MAPKAP1: variants seen among roughly 807,000 people sequenced by gnomAD.
The protein encoded by MAPKAP1 is MAPK associated protein 1.
Under a neutral mutation model 65.7 loss-of-function variants are expected in MAPKAP1, and 20 were observed. The ratio of observed to expected loss-of-function variants is 0.30; its 90% confidence interval spans 0.21 to 0.44. The LOEUF (loss-of-function observed/expected upper bound fraction) is 0.44. MAPKAP1 is among the 20% of genes least tolerant of loss of function. The pLI is 1.00. For missense variants in MAPKAP1, 423 were observed against 648.0 expected (o/e 0.65, Z 3.77); for synonymous variants, 222 against 244.3 (o/e 0.91, Z 0.85).
chr9:125,445,640 T>A lies in MAPKAP1; in HGVS notation c.1346-1042A>T, dbSNP rs141535583. Among the ~76,000 whole-genome samples the A allele has an allele frequency of 1.3e-3, 192 of 152,374 alleles. 2 individuals carry two copies. Among genetic ancestry groups the A allele is most frequent in the African/African-American group, 4.4e-3 (182 of 41,594 alleles). ...GTCCAGACAGGTCAATCGGATTCCC[T>A]CTTCTAAATGCAGACATAGATGCTA... On this transcript the variant is annotated intron_variant, in intron 10 of 11. Transcript: ENST00000265960.
At chr9:125,673,679 G>C (rs1178207828) in intron 1 of MAPKAP1, among the ~76,000 whole-genome samples, 1 of 152,048 alleles carries the variant, frequency 6.6e-6, no homozygotes, top group Non-Finnish European at 1.5e-5. Flanking sequence ...CAACCCTTTG[G>C]GGGGCCGAGG....
chr9:125,567,432 C>T (rs1169160889), intron 5 of MAPKAP1: 1 of 152,206 alleles, frequency 6.6e-6, no homozygotes, highest in Non-Finnish European at 1.5e-5. Context: ...TGCTACACTC[C>T]CACCAGCGCC....
intron 6 of MAPKAP1, among the ~76,000 whole-genome samples, chr9:125,555,739 TG>T (rs1830718400): frequency 6.6e-6 from 1 of 152,234 alleles, no homozygotes; most frequent in South Asian, 2.1e-4. Context: ...AAGAAGTTAA[TG>T]GTCTTGCTAC....
chr9:125,478,151 AG>A (rs1238366729), intron 9 of MAPKAP1: 1 of 152,142 alleles, frequency 6.6e-6, no homozygotes, highest in African/African-American at 2.4e-5. Flanking sequence ...CCGGGCCCAG[AG>A]GGAGGAAGCG....
chr9:125,693,468 T>C (rs1432000038), intron 1 of MAPKAP1, among the ~76,000 whole-genome samples: 2 of 149,114 alleles, frequency 1.3e-5, no homozygotes, highest in Non-Finnish European at 1.5e-5. Flanking sequence ...TACATGTATA[T>C]ATACACACAC....
At chr9:125,698,318 T>TAA (rs1835485815) in intron 1 of MAPKAP1, among the ~76,000 whole-genome samples, 1 of 102,302 alleles carries the variant, frequency 9.8e-6, no homozygotes, top group Non-Finnish European at 1.8e-5. Context: ...TATATATATA[T>TAA]ATATATATAT....
chr9:125,574,773 G>A (rs976824323), intron 5 of MAPKAP1, among the ~76,000 whole-genome samples: 1 of 152,176 alleles, frequency 6.6e-6, no homozygotes, highest in Admixed American at 6.5e-5. Flanking sequence ...GTAGTTAGGA[G>A]GAGCAGAAAT....
chr9:125,506,485 C>T (rs1226162343), intron 7 of MAPKAP1, 68 bp from the exon 8 acceptor site: 3 of 1,265,892 alleles, frequency 2.4e-6, no homozygotes, highest in Non-Finnish European at 3.5e-6. Flanking sequence ...TTAAAAAACA[C>T]CACATACTGG....
chr9:125,470,466 C>T lies in MAPKAP1; in HGVS notation c.1208-2357G>A, dbSNP rs112874506. ...AATCTTTTCAACAGAGCCTACTTCA[C>T]AAAGCAGGACTTTTGTAACCATCTC... On this transcript the variant is annotated intron_variant, in intron 9 of 11. Transcript: ENST00000265960. Among the ~76,000 whole-genome samples the T allele has an allele frequency of 5.6e-3, 848 of 152,354 alleles. 4 individuals carry two copies. The highest frequency in any genetic ancestry group is 8.4e-3 in the Non-Finnish European group (572 of 68,036).
At chr9:125,655,107 T>TA (rs34887290) in intron 4 of MAPKAP1, among the ~76,000 whole-genome samples, 1 of 151,416 alleles carries the variant, frequency 6.6e-6, no homozygotes, top group African/African-American at 2.4e-5. Context: ...CAAATCTTTG[T>TA]AAAAAAAAGA....
intron 7 of MAPKAP1, among the ~76,000 whole-genome samples, chr9:125,507,446 C>T (rs563269387): frequency 3.9e-5 from 6 of 152,280 alleles, no homozygotes; most frequent in Admixed American, 2.0e-4. Flanking sequence ...AGGCGGAACA[C>T]GTATTTTTAG....
In MAPKAP1 at chr9:125,444,519, G is replaced by A. The variant is rs370283399; in HGVS notation, c.1425C>T (p.Val475=). 1.2e-6 allele frequency: 2 copies of A among 1,612,932 alleles called. No homozygotes were observed. Among genetic ancestry groups the A allele is most frequent in the Non-Finnish European group, 1.7e-6 (2 of 1,179,242 alleles). The change falls in exon 11 of 12, where the codon GTC becomes GTT. Residue 475 remains valine (V), a synonymous_variant. Coordinates refer to ENST00000265960, the MANE Select transcript of MAPKAP1 (RefSeq NM_001006617.3). The part of the protein sequence containing the change: ...HLYFESDAAT[V]NEIVLKVNYI... ...TACTCACCTTGAGCACAATTTCATT[G>A]ACGGTAGCAGCGTCCGATTCAAAGT...
intron 1 of MAPKAP1, among the ~76,000 whole-genome samples, chr9:125,673,599 A>G (rs760031023): frequency 7.2e-5 from 11 of 152,104 alleles, no homozygotes; most frequent in South Asian, 4.1e-4. Context: ...AAACTTAATT[A>G]TAAAAACTGC....
chr9:125,684,039 C>G (rs1301319518), intron 1 of MAPKAP1, among the ~76,000 whole-genome samples: 1 of 152,170 alleles, frequency 6.6e-6, no homozygotes, highest in Non-Finnish European at 1.5e-5. Context: ...CTATATCACC[C>G]AGAGTCCAAC....
intron 4 of MAPKAP1, among the ~76,000 whole-genome samples, chr9:125,655,295 G>A (rs776498332): frequency 3.9e-5 from 6 of 152,180 alleles, no homozygotes; most frequent in African/African-American, 9.6e-5. Context: ...AGTGCTGAAC[G>A]TCAGATGATT....
chr9:125,702,538 A>C (rs567539221), intron 1 of MAPKAP1, among the ~76,000 whole-genome samples: 34 of 150,266 alleles, frequency 2.3e-4, no homozygotes, highest in South Asian at 1.7e-3. Context: ...CCTTCCCACA[A>C]AAAAAATAAA....
intron 6 of MAPKAP1, among the ~76,000 whole-genome samples, chr9:125,548,007 T>C (rs1437905437): frequency 2.0e-5 from 3 of 152,254 alleles, no homozygotes; most frequent in Admixed American, 2.0e-4. Flanking sequence ...TTAACAATTA[T>C]AACAGCAACT....
intron 4 of MAPKAP1, among the ~76,000 whole-genome samples, chr9:125,618,974 T>A (rs1048851578): frequency 9.9e-5 from 15 of 152,020 alleles, no homozygotes; most frequent in Non-Finnish European, 1.8e-4. Flanking sequence ...TCTACAAAAA[T>A]TTTTTTAAAT....
chr9:125,683,195 C>T (rs1459797963), intron 1 of MAPKAP1, among the ~76,000 whole-genome samples: 13 of 151,992 alleles, frequency 8.6e-5, no homozygotes, highest in East Asian at 1.9e-4. Context: ...TGACCTCAGG[C>T]GATCCACCCA....
Sources: gnomAD v4.1 joint callset for allele counts (sites outside exome capture counted in the v4.1 genomes callset) on GRCh38, gnomAD v4.1.1 for gene constraint, MANE v1.5 for transcripts, NCBI Gene and HGNC (gene_info 2026-07-23, HGNC 2026-07-21) for gene names.